GABRG2: variants seen among roughly 807,000 people sequenced by gnomAD.
The protein encoded by GABRG2 is gamma-aminobutyric acid receptor subunit gamma-2.
Under a neutral mutation model 56.4 loss-of-function variants are expected in GABRG2, and 16 were observed. The observed-to-expected ratio is 0.28, with a 90% CI of 0.19 to 0.43. The LOEUF (loss-of-function observed/expected upper bound fraction) is 0.43, where lower values mean the gene tolerates loss of function less well. Among genes scored for constraint, GABRG2 ranks in the 20% least tolerant of loss-of-function variants. The pLI, the probability that GABRG2 is intolerant of heterozygous loss-of-function variation, is 1.00. For synonymous variants in GABRG2, 208 were observed against 205.5 expected (o/e 1.01, Z -0.10); for missense variants, 327 against 582.7 (o/e 0.56, Z 4.52).
chr5:162,147,193 TTCTC>T (rs1220098528), intron 7 of GABRG2, among the ~76,000 whole-genome samples: 30 of 152,026 alleles, frequency 2.0e-4, no homozygotes, highest in African/African-American at 3.4e-4. Context: ...ACCTCTTTCT[TTCTC>T]TTTCTTTCTT....
intron 6 of GABRG2, among the ~76,000 whole-genome samples, chr5:162,136,472 T>C (rs1764133439): frequency 6.6e-6 from 1 of 151,168 alleles, no homozygotes; most frequent in Non-Finnish European, 1.5e-5. Context: ...TATATGTGTG[T>C]GGGGTGGTGG....
At chr5:162,108,439 A>G (rs542667724) in intron 6 of GABRG2, among the ~76,000 whole-genome samples, 1 of 152,146 alleles carries the variant, frequency 6.6e-6, no homozygotes, top group Non-Finnish European at 1.5e-5. Flanking sequence ...CTCACATTGA[A>G]TCTCAATCTC....
At chr5:162,113,800 C>T (rs762877109) in intron 6 of GABRG2, among the ~76,000 whole-genome samples, 19 of 152,154 alleles carry the variant, frequency 1.2e-4, no homozygotes, top group Non-Finnish European at 2.4e-4. Context: ...AGAGGTAATG[C>T]AATCATGGAC....
intron 1 of GABRG2, among the ~76,000 whole-genome samples, chr5:162,076,504 C>T (rs115288539): frequency 0.024 from 3,640 of 152,214 alleles, 64 homozygotes; most frequent in Non-Finnish European, 0.034. Context: ...AGTAATATCT[C>T]TAACAATGTG....
chr5:162,139,036 G>A (rs1764353316), intron 6 of GABRG2, among the ~76,000 whole-genome samples: 2 of 151,532 alleles, frequency 1.3e-5, no homozygotes, highest in East Asian at 3.9e-4. Context: ...GCCATTGATA[G>A]TCTTTTCCTA....
At chr5:162,130,381 AT>A (rs1321115910) in intron 6 of GABRG2, among the ~76,000 whole-genome samples, 1 of 151,596 alleles carries the variant, frequency 6.6e-6, no homozygotes, top group African/African-American at 2.4e-5. Context: ...TTGAACAATT[AT>A]TTTTTTTCTA....
At chr5:162,087,955 A>G (rs942679350) in intron 1 of GABRG2, among the ~76,000 whole-genome samples, 1 of 152,154 alleles carries the variant, frequency 6.6e-6, no homozygotes, top group African/African-American at 2.4e-5. Context: ...GAGGTGAGAA[A>G]GTAATTTTAA....
chr5:162,114,161 G>C (rs1180935966), intron 6 of GABRG2, among the ~76,000 whole-genome samples: 1 of 152,068 alleles, frequency 6.6e-6, no homozygotes, highest in African/African-American at 2.4e-5. Flanking sequence ...TCATTCCCAT[G>C]TAAAAATAAT....
intron 7 of GABRG2, among the ~76,000 whole-genome samples, chr5:162,147,649 C>A (rs555181037): frequency 6.6e-6 from 1 of 152,280 alleles, no homozygotes; most frequent in South Asian, 2.1e-4. Context: ...CAGGTGTGAG[C>A]CACCATGCCT....
chr5:162,151,664 TTTC>T, intron 8 of GABRG2, 63 bp from the exon 9 acceptor site: 1 of 1,342,912 alleles, frequency 7.4e-7, no homozygotes, highest in Non-Finnish European at 1.0e-6. Flanking sequence ...TCTCTTTTTT[TTTC>T]ATTTTTTTTC....
At chr5:162,081,269 A>T (rs936888739) in intron 1 of GABRG2, among the ~76,000 whole-genome samples, 7 of 152,134 alleles carry the variant, frequency 4.6e-5, no homozygotes, top group African/African-American at 1.4e-4. Context: ...GGAAATTTCC[A>T]CAAATATCTA....
intron 6 of GABRG2, among the ~76,000 whole-genome samples, chr5:162,111,803 A>G (rs1026716719): frequency 6.6e-6 from 1 of 152,302 alleles, no homozygotes; most frequent in South Asian, 2.1e-4. Flanking sequence ...GAATTAAAAT[A>G]AAAACTATTC....
At chr5:162,114,431 G>A (rs1367455199) in intron 6 of GABRG2, among the ~76,000 whole-genome samples, 1 of 152,024 alleles carries the variant, frequency 6.6e-6, no homozygotes, top group African/African-American at 2.4e-5. Context: ...AAAGATAATG[G>A]GAGGCTGAGG....
chr5:162,144,265 T>C (rs932715419), intron 7 of GABRG2, among the ~76,000 whole-genome samples: 3 of 152,198 alleles, frequency 2.0e-5, no homozygotes, highest in East Asian at 1.9e-4. Flanking sequence ...AGCAAATACA[T>C]TGATGTATTC....
intron 6 of GABRG2, among the ~76,000 whole-genome samples, chr5:162,104,522 C>T (rs1761661291): frequency 1.3e-5 from 2 of 151,958 alleles, no homozygotes; most frequent in African/African-American, 4.8e-5. Context: ...ATTCCAATTG[C>T]ATCAGTTATA....
At chr5:162,083,919 A>G (rs1212747540) in intron 1 of GABRG2, among the ~76,000 whole-genome samples, 2 of 151,878 alleles carry the variant, frequency 1.3e-5, no homozygotes, top group Non-Finnish European at 2.9e-5. Context: ...GTATTTTTTC[A>G]GTAAAATTAT....
chr5:162,145,096 C>A (rs1015162195), intron 7 of GABRG2, among the ~76,000 whole-genome samples: 2 of 152,176 alleles, frequency 1.3e-5, no homozygotes, highest in Non-Finnish European at 2.9e-5. Flanking sequence ...CTTAAGCACA[C>A]GCAGACCTTA....
In GABRG2 at chr5:162,104,039, G is replaced by A; in HGVS notation, c.769+13G>A. The A allele has an allele frequency of 6.2e-7, 1 of 1,613,648 alleles. No individual in the cohort carries two copies. Among genetic ancestry groups the A allele is most frequent in the South Asian group, 1.1e-5 (1 of 91,066 alleles). ...AAGACAACTTCCGGTAAGATGCACT[G>A]GCAAAGAATTTCAAGTGACCCTTCC... On this transcript the variant is annotated intron_variant, in intron 6 of 9. Transcript: ENST00000639213.
At chr5:162,144,918 T>A (rs1028945934) in intron 7 of GABRG2, among the ~76,000 whole-genome samples, 7 of 152,198 alleles carry the variant, frequency 4.6e-5, no homozygotes, top group African/African-American at 1.7e-4. Flanking sequence ...CAGGAAATGC[T>A]TATCTAATGT....
Sources: gnomAD v4.1 joint callset for allele counts (sites outside exome capture counted in the v4.1 genomes callset) on GRCh38, gnomAD v4.1.1 for gene constraint, MANE v1.5 for transcripts, NCBI Gene and HGNC (gene_info 2026-07-23, HGNC 2026-07-21) for gene names.